LGSN: variants seen among roughly 807,000 people sequenced by gnomAD.
LGSN encodes lengsin, lens protein with glutamine synthetase domain.
Under a neutral mutation model 19.5 loss-of-function variants are expected in LGSN, and 21 were observed. The ratio of observed to expected loss-of-function variants is 1.07; its 90% CI spans 0.76 to 1.55. The LOEUF (loss-of-function observed/expected upper bound fraction) is 1.55, where lower values mean the gene tolerates loss of function less well. Among genes scored for constraint, LGSN ranks in the 40% most tolerant of loss-of-function variants. The probability of loss-of-function intolerance (pLI) is 0.00; values close to 1 mark genes in which losing one functional copy is unlikely to be tolerated. For missense variants in LGSN, 673 were observed against 608.5 expected, an observed-to-expected ratio of 1.11 and a Z score of -1.12; for synonymous variants, 257 against 215.6, an observed-to-expected ratio of 1.19 and a Z score of -1.68.
At chr6:63,413,287 T>G in the LGSN span, among the ~76,000 whole-genome samples, 2 of 152,150 alleles carry the variant, frequency 1.3e-5, no homozygotes, top group Non-Finnish European at 2.9e-5. Context: ...TGCAATTTCA[T>G]TTCAACCAAG....
At chr6:63,356,420 T>C in the LGSN span, among the ~76,000 whole-genome samples, 1 of 151,996 alleles carries the variant, frequency 6.6e-6, no homozygotes, top group East Asian at 1.9e-4. Flanking sequence ...CTCGTGCCTG[T>C]GATCCCAGCT....
chr6:63,288,326 T>C lies in LGSN; in HGVS notation c.164-2573A>G, dbSNP rs182084026. On this transcript the variant is annotated intron_variant, in intron 2 of 3. Transcript: ENST00000370657. ...ATTTTTCATCATCACATACTATTCATACTGAACGTGTACCTAGGAATCAGC... is the reference window on the plus strand; with the variant it reads ...ATTTTTCATCATCACATACTATTCACACTGAACGTGTACCTAGGAATCAGC... Among the ~76,000 whole-genome samples, 575 of 151,818 alleles carry C rather than the reference T, an allele frequency of 3.8e-3. 7 individuals carry two copies. Among genetic ancestry groups the C allele is most frequent in the African/African-American group, 0.013 (547 of 41,480 alleles).
chr6:63,326,553 G>C, the LGSN span, among the ~76,000 whole-genome samples: 64 of 152,238 alleles, frequency 4.2e-4, no homozygotes, highest in Non-Finnish European at 8.2e-4. Context: ...GAGGAGGTGG[G>C]AGGCTCAGGC....
chr6:63,490,172 A>T, the LGSN span, among the ~76,000 whole-genome samples: 1 of 152,228 alleles, frequency 6.6e-6, no homozygotes, highest in African/African-American at 2.4e-5. Flanking sequence ...AAGTCTTTAC[A>T]CTGCTGCCAG....
chr6:63,573,596 A>G, the LGSN span: 1 of 152,426 alleles, frequency 6.6e-6, no homozygotes, highest in Non-Finnish European at 1.5e-5. Flanking sequence ...TGCCCGGGCC[A>G]GAGTGGGGTT....
chr6:63,486,259 A>C, the LGSN span, among the ~76,000 whole-genome samples: 38 of 152,284 alleles, frequency 2.5e-4, no homozygotes, highest in African/African-American at 8.9e-4. Flanking sequence ...CTCTCCTACA[A>C]AGTTGAAAGC....
At chr6:63,495,400 G>A in the LGSN span, among the ~76,000 whole-genome samples, 1 of 150,220 alleles carries the variant, frequency 6.7e-6, no homozygotes, top group African/African-American at 2.5e-5. Context: ...ATACTCTGCT[G>A]TAGATCCAGT....
chr6:63,373,509 A>G, the LGSN span, among the ~76,000 whole-genome samples: 1 of 152,116 alleles, frequency 6.6e-6, no homozygotes, highest in Non-Finnish European at 1.5e-5. Flanking sequence ...ATCAGAACAA[A>G]CTCAAATTAA....
At chr6:63,550,418 C>CT in the LGSN span, 1 of 152,048 alleles carries the variant, frequency 6.6e-6, no homozygotes, top group Admixed American at 6.6e-5. Context: ...ACGACTCTAC[C>CT]TGAGGGTGAA....
chr6:63,402,711 CAT>C, the LGSN span, among the ~76,000 whole-genome samples: 1 of 151,938 alleles, frequency 6.6e-6, no homozygotes, highest in African/African-American at 2.4e-5. Flanking sequence ...TGATAAATCT[CAT>C]GTGTCAACTT....
the LGSN span, among the ~76,000 whole-genome samples, chr6:63,425,258 A>G: frequency 9.9e-5 from 15 of 152,244 alleles, no homozygotes; most frequent in Non-Finnish European, 1.9e-4. Context: ...CAGCAACTGT[A>G]TCCCTAGGCA....
chr6:63,479,083 A>G, the LGSN span, among the ~76,000 whole-genome samples: 1 of 152,222 alleles, frequency 6.6e-6, no homozygotes, highest in Non-Finnish European at 1.5e-5. Context: ...ACAGGAGTCC[A>G]TTTCTGACAG....
chr6:63,285,677 C>A lies in LGSN; in HGVS notation c.240G>T (p.Met80Ile), dbSNP rs1767501524. The A allele has an allele frequency of 6.2e-7, 1 of 1,613,844 alleles. No homozygotes were observed. Among genetic ancestry groups the A allele is most frequent in the Non-Finnish European group, 8.5e-7 (1 of 1,179,950 alleles). The change falls in exon 3 of 4, where the codon ATG becomes ATT. Residue 80 changes from methionine (M) to isoleucine (I), a missense_variant. By Grantham distance (10) the Met-to-Ile change is conservative (BLOSUM62 1). Coordinates refer to ENST00000370657, the MANE Select transcript of LGSN (RefSeq NM_016571.3). ...GTACAAACTGGAGGCGATTTTTGGC[C>A]ATGGCTTGTCTAATGTGTTTCATTC... ...SSRMKHIRQA[M>I]AKNRLQFVRF...
the LGSN span, among the ~76,000 whole-genome samples, chr6:63,442,300 G>A: frequency 6.6e-6 from 1 of 152,218 alleles, no homozygotes; most frequent in Non-Finnish European, 1.5e-5. Flanking sequence ...ATTGCAAACA[G>A]AGAAAGAACA....
At chr6:63,414,985 T>G in the LGSN span, among the ~76,000 whole-genome samples, 1 of 152,122 alleles carries the variant, frequency 6.6e-6, no homozygotes, top group African/African-American at 2.4e-5. Context: ...AAGAATAAAA[T>G]AAAATATCCC....
chr6:63,368,307 C>T, the LGSN span, among the ~76,000 whole-genome samples: 1 of 152,114 alleles, frequency 6.6e-6, no homozygotes, highest in African/African-American at 2.4e-5. Flanking sequence ...GAATCTCTTA[C>T]GGCACCCTCC....
At chr6:63,376,820 T>C in the LGSN span, among the ~76,000 whole-genome samples, 16 of 152,338 alleles carry the variant, frequency 1.1e-4, no homozygotes, top group South Asian at 2.1e-3. Context: ...TAACTTTTAC[T>C]AGAACATACA....
the LGSN span, among the ~76,000 whole-genome samples, chr6:63,505,613 G>GAAATAAATAAATAAAT: frequency 9.8e-6 from 1 of 101,982 alleles, no homozygotes. Flanking sequence ...AAGAAAGAAA[G>GAAATAAATAAATAAAT]AAAGAAAGAA....
chr6:63,464,236 G>C, the LGSN span, among the ~76,000 whole-genome samples: 2 of 152,060 alleles, frequency 1.3e-5, no homozygotes, highest in East Asian at 3.8e-4. Context: ...ACTGTGCCCA[G>C]TTTCCTCATC....
Sources: allele counts gnomAD v4.1 joint callset (sites outside exome capture counted in the v4.1 genomes callset), GRCh38; gene constraint gnomAD v4.1.1; transcripts MANE v1.5; gene names NCBI Gene and HGNC (gene_info 2026-07-23, HGNC 2026-07-21).